The following PFKP variants were observed in gnomAD, a reference collection of about 807,000 sequenced individuals.
PFKP encodes phosphofructokinase, platelet.
A neutral mutation model predicts 94.3 loss-of-function variants in PFKP; 101 were observed. The observed-to-expected ratio is 1.07, with a 90% CI of 0.91 to 1.26. The LOEUF is 1.26. Ranked by LOEUF, PFKP falls within the 50% of genes most tolerant of loss-of-function variation. PFKP has a pLI of 0.00. For synonymous variants in PFKP, 573 were observed against 432.6 expected, an observed-to-expected ratio of 1.32 and a Z score of -4.03; for missense variants, 1,145 against 1,103.3, an observed-to-expected ratio of 1.04 and a Z score of -0.53.
intron 1 of PFKP, among the ~76,000 whole-genome samples, chr10:3,079,297 T>C (rs370351619): frequency 2.6e-5 from 4 of 151,878 alleles, no homozygotes; most frequent in South Asian, 2.1e-4. Flanking sequence ...TGCAGTGGCA[T>C]GATCTCAGCT....
rs191161435 is a variant in PFKP at position 3,074,109 on chromosome 10, G to T, written c.112+6402G>T. Among the ~76,000 whole-genome samples, 1,131 of 152,308 alleles carry T rather than the reference G, an allele frequency of 7.4e-3. 13 individuals carry two copies. Among genetic ancestry groups the T allele is most frequent in the African/African-American group, 0.026 (1,098 of 41,552 alleles). ...CCTGCCTTGGCCTCCCAAAGTGCTG[G>T]TATTACAGGCTGGAGCCACTGCACC... On this transcript the variant is annotated intron_variant, in intron 1 of 21. Coordinates refer to ENST00000381125, the MANE Select transcript of PFKP (RefSeq NM_002627.5).
chr10:3,112,156 C>A, intron 10 of PFKP, 66 bp from the exon 11 acceptor site: 1 of 1,324,566 alleles, frequency 7.5e-7, no homozygotes, highest in Non-Finnish European at 1.1e-6. Flanking sequence ...CCAGTCTCTA[C>A]CTACCCCATC....
At chr10:3,102,275 T>TAAAAAAAAAAAA (rs1450407068) in intron 4 of PFKP, among the ~76,000 whole-genome samples, 2 of 110,446 alleles carry the variant, frequency 1.8e-5, no homozygotes, top group Admixed American at 9.5e-5. Context: ...AAAAAAAAAC[T>TAAAAAAAAAAAA]GAAGTTGCCA....
chr10:3,107,038 C>T (rs1054416073), intron 7 of PFKP, among the ~76,000 whole-genome samples, 176 bp from the exon 8 acceptor site: 1 of 124,370 alleles, frequency 8.0e-6, no homozygotes, highest in Admixed American at 8.8e-5. Flanking sequence ...TGCTGTCACC[C>T]AGCACACCTT....
At chr10:3,092,813 T>A (rs1356030158) in intron 2 of PFKP, among the ~76,000 whole-genome samples, 2 of 152,186 alleles carry the variant, frequency 1.3e-5, no homozygotes, top group Non-Finnish European at 2.9e-5. Flanking sequence ...ATCTCACACT[T>A]GTGACCCAAA....
At chr10:3,070,819 A>G (rs1355411438) in intron 1 of PFKP, among the ~76,000 whole-genome samples, 1 of 152,176 alleles carries the variant, frequency 6.6e-6, no homozygotes, top group Non-Finnish European at 1.5e-5. Flanking sequence ...TGCAGCCTCA[A>G]ACTCCTGGGC....
chr10:3,103,986 G>T (rs759970025), intron 5 of PFKP, 42 bp downstream of exon 5: 2 of 1,590,772 alleles, frequency 1.3e-6, no homozygotes, highest in East Asian at 2.3e-5. Context: ...AGTGGGGCCC[G>T]ACGTGTGCCC....
At chr10:3,080,335 G>A (rs1307210837) in intron 1 of PFKP, among the ~76,000 whole-genome samples, 1 of 152,058 alleles carries the variant, frequency 6.6e-6, no homozygotes, top group Non-Finnish European at 1.5e-5. Flanking sequence ...GGCTAACACG[G>A]TGAAACCCCG....
At chr10:3,126,193 A>G (rs1564346269) in intron 16 of PFKP, among the ~76,000 whole-genome samples, 1 of 152,224 alleles carries the variant, frequency 6.6e-6, no homozygotes, top group Admixed American at 6.5e-5. Context: ...GTTACAGTGC[A>G]GGGAAGGGAG....
intron 14 of PFKP, among the ~76,000 whole-genome samples, chr10:3,118,478 A>G (rs1446709080): frequency 6.6e-6 from 1 of 152,114 alleles, no homozygotes; most frequent in East Asian, 1.9e-4. Flanking sequence ...GAAAAAAAAA[A>G]TTGTTATTAA....
At chr10:3,108,228 C>T (rs867167375) in intron 8 of PFKP, among the ~76,000 whole-genome samples, 1 of 152,174 alleles carries the variant, frequency 6.6e-6, no homozygotes, top group African/African-American at 2.4e-5. Context: ...GTTCCAGAGA[C>T]AGTCAGTGGC....
chr10:3,079,785 G>T (rs1349374727), intron 1 of PFKP, among the ~76,000 whole-genome samples: 1 of 151,950 alleles, frequency 6.6e-6, no homozygotes, highest in African/African-American at 2.4e-5. Context: ...CCATTAGAGT[G>T]ACCATAGCGT....
At chr10:3,100,987 G>C in intron 3 of PFKP, 1 of 1,612,042 alleles carries the variant, frequency 6.2e-7, no homozygotes, top group Admixed American at 1.7e-5. Context: ...TGTCCTGGCC[G>C]GCATGCTCTG....
intron 8 of PFKP, chr10:3,107,677 C>G (rs770407423): frequency 1.1e-6 from 1 of 931,122 alleles, no homozygotes; most frequent in Admixed American, 6.2e-5. Context: ...CTGTTTGCCA[C>G]AGTGGGAAAA....
chr10:3,133,846 TACCC>T (rs1361281383), intron 19 of PFKP, among the ~76,000 whole-genome samples: 10 of 152,212 alleles, frequency 6.6e-5, no homozygotes, highest in Non-Finnish European at 1.5e-4. Context: ...AAAACAGTGA[TACCC>T]CCATTACTTG....
At chr10:3,123,781 G>A (rs757741320) in intron 16 of PFKP, among the ~76,000 whole-genome samples, 10 of 152,370 alleles carry the variant, frequency 6.6e-5, no homozygotes, top group African/African-American at 1.9e-4. Flanking sequence ...GTTGCTGGCT[G>A]GGAAGCAGCT....
chr10:3,127,108 C>T (rs892529402), intron 16 of PFKP, among the ~76,000 whole-genome samples: 4 of 152,260 alleles, frequency 2.6e-5, no homozygotes, highest in African/African-American at 7.2e-5. Flanking sequence ...GCCTGAGGCA[C>T]GGCCGGAGTG....
rs1426022806 is a variant in PFKP at position 3,105,385 on chromosome 10, C to G, written c.666-8C>G. The G allele has an allele frequency of 6.2e-7, 1 of 1,607,838 alleles. No individual in the cohort carries two copies. Among genetic ancestry groups the G allele is most frequent in the South Asian group, 1.1e-5 (1 of 90,928 alleles). ...TGGGGTGTTGATGCTGTTGCCTTGT[C>G]CACATAGGTACCTGGCCCTGGTGAG... On this transcript the variant is annotated splice_region_variant and splice_polypyrimidine_tract_variant and intron_variant, in intron 6 of 21. Transcript: ENST00000381125.
intron 16 of PFKP, among the ~76,000 whole-genome samples, 156 bp downstream of exon 16, chr10:3,120,200 G>A (rs759009398): frequency 1.8e-4 from 28 of 152,164 alleles, no homozygotes; most frequent in Admixed American, 3.9e-4. Flanking sequence ...TATGTTTTAA[G>A]ACTCTGAAAA....
Sources: gnomAD v4.1 joint callset for allele counts (sites outside exome capture counted in the v4.1 genomes callset) on GRCh38, gnomAD v4.1.1 for gene constraint, MANE v1.5 for transcripts, NCBI Gene and HGNC (gene_info 2026-07-23, HGNC 2026-07-21) for gene names.